Variants in GALNT13 observed in about 807,000 individuals in gnomAD.
GALNT13 encodes polypeptide N-acetylgalactosaminyltransferase 13.
A neutral mutation model predicts 64.2 loss-of-function variants in GALNT13; 28 were observed. The ratio of observed to expected loss-of-function variants is 0.44; its 90% CI spans 0.32 to 0.60. The LOEUF (loss-of-function observed/expected upper bound fraction) is 0.60, where lower values mean the gene tolerates loss of function less well. Ranked by LOEUF, GALNT13 falls within the 20% of genes least tolerant of loss-of-function variation. The probability of loss-of-function intolerance (pLI) is 0.05; values close to 1 mark genes in which losing one functional copy is unlikely to be tolerated. For synonymous variants in GALNT13, 214 were observed against 224.6 expected (o/e 0.95, Z 0.42); for missense variants, 577 against 669.8 (o/e 0.86, Z 1.53).
At chr2:153,745,814 G>T in the GALNT13 span, among the ~76,000 whole-genome samples, 1 of 152,040 alleles carries the variant, frequency 6.6e-6, no homozygotes, top group Non-Finnish European at 1.5e-5. Flanking sequence ...TGGACTTCCT[G>T]GATAATCAAG....
intron 2 of GALNT13, among the ~76,000 whole-genome samples, chr2:153,922,867 T>C (rs976672691): frequency 6.6e-6 from 1 of 151,936 alleles, no homozygotes; most frequent in Admixed American, 6.6e-5. Flanking sequence ...TCATTTGAAG[T>C]AGCATTTTTA....
the GALNT13 span, among the ~76,000 whole-genome samples, chr2:153,378,119 T>C: frequency 1.3e-5 from 2 of 152,166 alleles, no homozygotes; most frequent in Non-Finnish European, 2.9e-5. Context: ...TTTCTTATTC[T>C]GTGACATGGA....
intron 3 of GALNT13, among the ~76,000 whole-genome samples, chr2:154,114,048 A>G (rs2105498061): frequency 6.6e-6 from 1 of 152,368 alleles, no homozygotes; most frequent in Non-Finnish European, 1.5e-5. Context: ...TGTCTTCTGC[A>G]CAGGCCAAAT....
At chr2:153,304,112 C>T in the GALNT13 span, among the ~76,000 whole-genome samples, 1,044 of 151,486 alleles carry the variant, frequency 6.9e-3, 17 homozygotes, top group African/African-American at 0.024. Flanking sequence ...TGGACCATTA[C>T]TCATTATCAG....
At chr2:154,442,175 G>T (rs1483036652) in intron 12 of GALNT13, among the ~76,000 whole-genome samples, 1 of 151,998 alleles carries the variant, frequency 6.6e-6, no homozygotes, top group South Asian at 2.1e-4. Context: ...AGGGGGAAAG[G>T]TGTTCTACAA....
At chr2:153,716,685 G>T in the GALNT13 span, among the ~76,000 whole-genome samples, 1 of 152,048 alleles carries the variant, frequency 6.6e-6, no homozygotes, top group Non-Finnish European at 1.5e-5. Context: ...CCTTTCAATG[G>T]TTCACTAATA....
chr2:154,097,186 A>C (rs941137340), intron 3 of GALNT13, among the ~76,000 whole-genome samples: 3 of 152,056 alleles, frequency 2.0e-5, no homozygotes, highest in Non-Finnish European at 4.4e-5. Context: ...TCGAGTGCTT[A>C]CTATGTTCAA....
At chr2:154,097,803 A>G (rs972645118) in intron 3 of GALNT13, among the ~76,000 whole-genome samples, 4 of 152,122 alleles carry the variant, frequency 2.6e-5, no homozygotes, top group African/African-American at 9.7e-5. Context: ...AAATATTTTC[A>G]TTTTACAGCA....
chr2:153,873,607 C>G (rs1866973), intron 1 of GALNT13, among the ~76,000 whole-genome samples: 119,082 of 152,090 alleles, frequency 0.78, 48,291 homozygotes, highest in Non-Finnish European at 0.88. Flanking sequence ...TGAGGTATGC[C>G]TGCCTTAAAC....
intron 3 of GALNT13, among the ~76,000 whole-genome samples, chr2:154,037,710 A>G (rs1302433054): frequency 6.6e-6 from 1 of 152,216 alleles, no homozygotes; most frequent in East Asian, 1.9e-4. Context: ...ATATATATCA[A>G]CAATGAATTA....
At chr2:153,966,615 G>C (rs1189687054) in intron 3 of GALNT13, among the ~76,000 whole-genome samples, 1 of 151,890 alleles carries the variant, frequency 6.6e-6, no homozygotes, top group Non-Finnish European at 1.5e-5. Context: ...TGATCCGCCC[G>C]CCTCGGCCTT....
chr2:153,802,772 T>C, the GALNT13 span, among the ~76,000 whole-genome samples: 2 of 152,244 alleles, frequency 1.3e-5, no homozygotes. Context: ...CTCTTTCATT[T>C]AGTCACAGCA....
At chr2:153,298,546 T>C in the GALNT13 span, among the ~76,000 whole-genome samples, 200 of 152,348 alleles carry the variant, frequency 1.3e-3, 6 homozygotes, top group East Asian at 0.036. Flanking sequence ...ATATTTGCCT[T>C]CTTTGGTTGC....
intron 11 of GALNT13, among the ~76,000 whole-genome samples, chr2:154,418,496 T>C (rs1208370532): frequency 6.6e-6 from 1 of 152,102 alleles, no homozygotes; most frequent in Non-Finnish European, 1.5e-5. Flanking sequence ...GTGGCAGAGC[T>C]TGGAGTAAAG....
the GALNT13 span, among the ~76,000 whole-genome samples, chr2:153,823,594 C>T: frequency 6.6e-6 from 1 of 152,262 alleles, no homozygotes; most frequent in South Asian, 2.1e-4. Context: ...AGACCCCCAA[C>T]CTTCACCATA....
the GALNT13 span, among the ~76,000 whole-genome samples, chr2:153,443,218 A>C: frequency 6.6e-6 from 1 of 152,318 alleles, no homozygotes; most frequent in South Asian, 2.1e-4. Context: ...GATTGCAAAC[A>C]CTGTGGGAAA....
In GALNT13 at chr2:153,874,235, A is replaced by G. The variant is rs567278535; in HGVS notation, c.-177+1932A>G. On this transcript the variant is annotated intron_variant, in intron 1 of 12. Coordinates refer to ENST00000392825, the MANE Select transcript of GALNT13 (RefSeq NM_052917.4). ...AGCCTAAGGCAGACTTTGAACATTA[A>G]AAAGATGCATTTCTCTGCACTGTTT... Among the ~76,000 whole-genome samples, 12 of 151,968 alleles carry G rather than the reference A, an allele frequency of 7.9e-5. No homozygotes were observed. The South Asian group carries it at 1.2e-3, about 16-fold the overall frequency.
At chr2:153,396,748 G>A in the GALNT13 span, among the ~76,000 whole-genome samples, 1,671 of 152,172 alleles carry the variant, frequency 0.011, 35 homozygotes, top group Non-Finnish European at 0.013. Flanking sequence ...TCTGGGTCAA[G>A]TTGCAATTTT....
At chr2:153,096,726 A>G in the GALNT13 span, among the ~76,000 whole-genome samples, 66 of 152,140 alleles carry the variant, frequency 4.3e-4, no homozygotes, top group African/African-American at 1.6e-3. Flanking sequence ...ATCTTTTTCT[A>G]TCCCTTTATT....
Sources: allele counts gnomAD v4.1 joint callset (sites outside exome capture counted in the v4.1 genomes callset), GRCh38; gene constraint gnomAD v4.1.1; transcripts MANE v1.5; gene names NCBI Gene and HGNC (gene_info 2026-07-23, HGNC 2026-07-21).